The following BLTP1 variants were observed in gnomAD, a reference collection of about 807,000 sequenced individuals.
The protein encoded by BLTP1 is bridge-like lipid transfer protein family member 1.
chr4:122,281,526 T>C, the BLTP1 span: 1 of 1,558,370 alleles, frequency 6.4e-7, no homozygotes, highest in South Asian at 1.2e-5. Context: ...ATTTTTTTTT[T>C]GCTTTCTAGC....
At chr4:122,249,359 A>G in the BLTP1 span, 21 of 1,411,656 alleles carry the variant, frequency 1.5e-5, no homozygotes, top group African/African-American at 4.3e-5. Flanking sequence ...CTGTTTTTCT[A>G]TCTTTTTGAC....
chr4:122,180,606 G>A, the BLTP1 span, among the ~76,000 whole-genome samples: 1 of 152,154 alleles, frequency 6.6e-6, no homozygotes, highest in African/African-American at 2.4e-5. Flanking sequence ...AAAAGTAAAT[G>A]CATTTTGTAG....
chr4:122,154,417 A>T, the BLTP1 span: 2 of 984,736 alleles, frequency 2.0e-6, no homozygotes, highest in Non-Finnish European at 2.4e-6. Flanking sequence ...ATTTTACTTG[A>T]CTTTTGAGCT....
the BLTP1 span, among the ~76,000 whole-genome samples, chr4:122,302,610 G>T: frequency 1.3e-5 from 2 of 152,206 alleles, no homozygotes; most frequent in African/African-American, 2.4e-5. Context: ...AAACGATTAA[G>T]CTTGGTGAGG....
the BLTP1 span, chr4:122,347,235 A>C: frequency 1.6e-5 from 16 of 984,572 alleles, no homozygotes; most frequent in South Asian, 6.6e-4. Context: ...TTGGAAATGA[A>C]AACTAGAGTC....
the BLTP1 span, among the ~76,000 whole-genome samples, chr4:122,244,341 T>C: frequency 2.6e-5 from 4 of 152,034 alleles, no homozygotes; most frequent in East Asian, 5.8e-4. Context: ...GTCTTGCAAG[T>C]TGGTCCTGTG....
At chr4:122,163,068 A>G in the BLTP1 span, among the ~76,000 whole-genome samples, 1 of 152,232 alleles carries the variant, frequency 6.6e-6, no homozygotes, top group Non-Finnish European at 1.5e-5. Context: ...CTTGTAAAGA[A>G]AATTGTCCTT....
At chr4:122,257,238 C>T in the BLTP1 span, 1 of 1,611,344 alleles carries the variant, frequency 6.2e-7, no homozygotes, top group Non-Finnish European at 8.5e-7. Context: ...CTTCTAACCA[C>T]ATGATTATTG....
chr4:122,163,236 T>C, the BLTP1 span, among the ~76,000 whole-genome samples: 1 of 152,124 alleles, frequency 6.6e-6, no homozygotes, highest in African/African-American at 2.4e-5. Context: ...AAGAAAGGGA[T>C]AGAAGTGAAT....
At chr4:122,352,362 T>G in the BLTP1 span, among the ~76,000 whole-genome samples, 4,594 of 146,550 alleles carry the variant, frequency 0.031, 142 homozygotes, top group African/African-American at 0.092. Context: ...TTTCTTTTTT[T>G]TTTTTTTTTT....
the BLTP1 span, chr4:122,248,990 T>G: frequency 1.2e-6 from 1 of 854,420 alleles, no homozygotes; most frequent in Non-Finnish European, 1.4e-6. Context: ...ACTTGGGGTG[T>G]TAATTTCCAC....
the BLTP1 span, chr4:122,315,314 T>C: frequency 9.5e-7 from 1 of 1,057,398 alleles, no homozygotes; most frequent in Admixed American, 2.4e-5. Context: ...ACTGTACACA[T>C]AGAGAAATCA....
At chr4:122,323,500 A>T in the BLTP1 span, among the ~76,000 whole-genome samples, 19 of 151,548 alleles carry the variant, frequency 1.3e-4, no homozygotes, top group African/African-American at 4.1e-4. Context: ...CATGAAAAAC[A>T]TATTAAATCA....
the BLTP1 span, chr4:122,200,277 T>A: frequency 2.0e-6 from 2 of 985,150 alleles, no homozygotes; most frequent in African/African-American, 3.5e-5. Flanking sequence ...GCTTTTCCCT[T>A]TGCAGAAATG....
the BLTP1 span, among the ~76,000 whole-genome samples, chr4:122,303,739 G>A: frequency 1.3e-4 from 20 of 152,190 alleles, no homozygotes; most frequent in Non-Finnish European, 2.4e-4. Context: ...TAAATGTGGA[G>A]CGTGAAGATG....
the BLTP1 span, among the ~76,000 whole-genome samples, chr4:122,245,571 C>A: frequency 2.0e-5 from 3 of 152,076 alleles, no homozygotes; most frequent in Non-Finnish European, 4.4e-5. Flanking sequence ...TCACTACTCT[C>A]ATTGTATGAT....
chr4:122,336,531 C>CGAA, the BLTP1 span: 1 of 554,330 alleles, frequency 1.8e-6, no homozygotes, highest in East Asian at 1.5e-4. Flanking sequence ...AATGAAGAAA[C>CGAA]TAAGTCCTGG....
chr4:122,240,502 CAG>C, the BLTP1 span: 314 of 669,616 alleles, frequency 4.7e-4, 6 homozygotes, highest in African/African-American at 4.9e-3. Context: ...TGATAGGTCA[CAG>C]AGTTATTGAT....
chr4:122,309,634 T>TC, the BLTP1 span, among the ~76,000 whole-genome samples: 6 of 152,226 alleles, frequency 3.9e-5, no homozygotes, highest in East Asian at 1.2e-3. Context: ...AACTACAGCA[T>TC]TGAGTAGTTT....
Sources: allele counts gnomAD v4.1 joint callset (sites outside exome capture counted in the v4.1 genomes callset), GRCh38; gene constraint gnomAD v4.1.1; transcripts MANE v1.5; gene names NCBI Gene and HGNC (gene_info 2026-07-23, HGNC 2026-07-21).